The following NRXN3 variants were observed in gnomAD, a reference collection of about 807,000 sequenced individuals.
The protein encoded by NRXN3 is neurexin III.
NRXN3 carries 32 observed loss-of-function variants against 137.6 expected under a neutral mutation model. The observed-to-expected ratio is 0.23, with a 90% CI of 0.18 to 0.31. The LOEUF (loss-of-function observed/expected upper bound fraction) is 0.31, where lower values mean the gene tolerates loss of function less well. Among genes scored for constraint, NRXN3 ranks in the 10% least tolerant of loss-of-function variants. The pLI is 1.00. For missense variants in NRXN3, 1,574 were observed against 2,062.5 expected (o/e 0.76, Z 4.59); for synonymous variants, 798 against 784.5 (o/e 1.02, Z -0.29).
rs529930823 is a variant in NRXN3, at chr14:79,704,810, A to G, written c.4014+6873A>G. Among the ~76,000 whole-genome samples the G allele has an allele frequency of 3.3e-5, 5 of 152,256 alleles. No individual in the cohort carries two copies. In the South Asian group the frequency reaches 6.2e-4, roughly 19 times the overall value. On this transcript the variant is annotated intron_variant, in intron 19 of 20. Transcript: ENST00000335750. The stretch of plus-strand genomic sequence containing the variant: ...CACTCTAATTTACTTGTTGCCTGGT[A>G]AGATTCTCTGGTGACATTTACTCTC...
intron 14 of NRXN3, among the ~76,000 whole-genome samples, chr14:78,977,825 G>A (rs531830982): frequency 6.6e-6 from 1 of 152,280 alleles, no homozygotes; most frequent in African/African-American, 2.4e-5. Context: ...TTTACATGAG[G>A]CAACATGTTA....
At chr14:79,641,676 A>C (rs906572532) in intron 16 of NRXN3, among the ~76,000 whole-genome samples, 3 of 134,918 alleles carry the variant, frequency 2.2e-5, no homozygotes, top group African/African-American at 7.4e-5. Context: ...GTGTCTATCC[A>C]GGGCTTAGTC....
chr14:79,299,696 A>G (rs2084810864), intron 15 of NRXN3, among the ~76,000 whole-genome samples: 1 of 152,082 alleles, frequency 6.6e-6, no homozygotes, highest in African/African-American at 2.4e-5. Flanking sequence ...GCTAACCTGT[A>G]TCATGATTAT....
intron 4 of NRXN3, among the ~76,000 whole-genome samples, chr14:78,342,269 C>A (rs2082227726): frequency 6.6e-6 from 1 of 152,136 alleles, no homozygotes; most frequent in South Asian, 2.1e-4. Flanking sequence ...AAAGGAATAT[C>A]CATTTTATTT....
At chr14:79,553,386 T>C (rs2097395345) in intron 16 of NRXN3, among the ~76,000 whole-genome samples, 1 of 152,102 alleles carries the variant, frequency 6.6e-6, no homozygotes, top group Non-Finnish European at 1.5e-5. Context: ...AATAATTTAA[T>C]TCGCCCAAAG....
chr14:79,314,125 G>A (rs1482570786), intron 15 of NRXN3: 1 of 152,424 alleles, frequency 6.6e-6, no homozygotes, highest in African/African-American at 2.4e-5. Context: ...GCAGAAGACG[G>A]GTGATTTCTG....
In NRXN3 at chr14:79,862,459, AG is replaced by A. The variant is rs2099415147; in HGVS notation, c.*496del. The A allele has an allele frequency of 6.6e-6, 1 of 152,452 alleles. No homozygotes were observed. The highest frequency in any genetic ancestry group is 6.6e-5 in the Admixed American group (1 of 15,214). 9.4% of individuals were successfully genotyped at this position (152,452 alleles called of 1,614,324 possible). A position where few individuals can be genotyped will look rare whatever the true frequency, so the allele number is the denominator to read the frequency against. The stretch of plus-strand genomic sequence containing the variant: ...AACAAAAAAAGAAAAAAGTTAAAAA[AG>A]AAAAAAACACCAAAAAACAAAAACA... On this transcript the variant is annotated 3_prime_UTR_variant, in exon 21 of 21. Transcript: ENST00000335750.
chr14:78,863,727 G>A (rs2152538516), intron 10 of NRXN3, among the ~76,000 whole-genome samples: 1 of 152,092 alleles, frequency 6.6e-6, no homozygotes, highest in Admixed American at 6.6e-5. Context: ...CTAAAAAGGA[G>A]CCTTTAATTC....
intron 19 of NRXN3, among the ~76,000 whole-genome samples, chr14:79,700,029 C>T (rs2098749163): frequency 6.6e-6 from 1 of 151,940 alleles, no homozygotes; most frequent in African/African-American, 2.4e-5. Flanking sequence ...TTGTTCTTGA[C>T]CACTAGTCAT....
rs549545522 is a variant in NRXN3, at chr14:78,292,851, A to C, written c.728-4980A>C. On this transcript the variant is annotated intron_variant, in intron 3 of 20. Coordinates refer to ENST00000335750, the MANE Select transcript of NRXN3 (RefSeq NM_001330195.2). ...AACCCAGAATAAATGCCAAACTCCA[A>C]AACCAGCCAGGGTGCTTGTCCTAGG... Among the ~76,000 whole-genome samples the C allele has an allele frequency of 2.6e-5, 4 of 152,150 alleles. No homozygotes were observed. In the East Asian group the frequency reaches 7.7e-4, roughly 29 times the overall value.
At chr14:78,227,380 G>A (rs1265403172) in intron 1 of NRXN3, among the ~76,000 whole-genome samples, 1 of 152,140 alleles carries the variant, frequency 6.6e-6, no homozygotes. Flanking sequence ...TCATATGGAG[G>A]TTAGATGAGA....
intron 20 of NRXN3, among the ~76,000 whole-genome samples, chr14:79,856,567 C>G (rs1373555898): frequency 6.6e-6 from 1 of 151,300 alleles, no homozygotes; most frequent in African/African-American, 2.4e-5. Context: ...TCTCAAAACC[C>G]AAATATCTCC....
chr14:79,787,473 T>C (rs1437392912), intron 19 of NRXN3, among the ~76,000 whole-genome samples: 1 of 152,236 alleles, frequency 6.6e-6, no homozygotes, highest in Non-Finnish European at 1.5e-5. Context: ...CTAGTCACCA[T>C]GCTGTGTAAT....
intron 4 of NRXN3, among the ~76,000 whole-genome samples, chr14:78,352,472 A>G (rs2083671187): frequency 6.6e-6 from 1 of 152,060 alleles, no homozygotes; most frequent in African/African-American, 2.4e-5. Flanking sequence ...ACCTTCTCCT[A>G]GTAACTCTAG....
intron 4 of NRXN3, among the ~76,000 whole-genome samples, chr14:78,511,351 C>T (rs8005766): frequency 0.036 from 5,464 of 152,196 alleles, 287 homozygotes; most frequent in African/African-American, 0.12. Flanking sequence ...AGATTAATCA[C>T]AGATATCTGC....
chr14:78,858,540 T>C (rs1289955292), intron 10 of NRXN3, among the ~76,000 whole-genome samples: 2 of 152,140 alleles, frequency 1.3e-5, no homozygotes, highest in Non-Finnish European at 2.9e-5. Context: ...AGTTATAATG[T>C]TGAGACCAAA....
At chr14:78,511,785 A>G (rs1324978855) in intron 4 of NRXN3, among the ~76,000 whole-genome samples, 1 of 152,100 alleles carries the variant, frequency 6.6e-6, no homozygotes, top group African/African-American at 2.4e-5. Flanking sequence ...AGGTCTAGGA[A>G]TTGACTCATT....
chr14:79,297,333 T>C lies in NRXN3; in HGVS notation c.3263-169888T>C, dbSNP rs1381636222. Among the ~76,000 whole-genome samples the C allele has an allele frequency of 2.0e-5, 3 of 152,164 alleles. No homozygotes were observed. The East Asian group carries it at 5.8e-4, about 29-fold the overall frequency. On this transcript the variant is annotated intron_variant, in intron 15 of 20. Coordinates refer to ENST00000335750, the MANE Select transcript of NRXN3 (RefSeq NM_001330195.2). ...TGCAAGACAGCCAATTAAATTTGTATTCAGATAAATAACTGACTTTTTAAA... is the reference window on the plus strand; with the variant it reads ...TGCAAGACAGCCAATTAAATTTGTACTCAGATAAATAACTGACTTTTTAAA...
intron 2 of NRXN3, among the ~76,000 whole-genome samples, chr14:78,256,192 T>C (rs917380645): frequency 6.6e-6 from 1 of 152,180 alleles, no homozygotes; most frequent in African/African-American, 2.4e-5. Context: ...GGCACGTTGT[T>C]GTCACTGGAG....
Sources: gnomAD v4.1 joint callset for allele counts (sites outside exome capture counted in the v4.1 genomes callset) on GRCh38, gnomAD v4.1.1 for gene constraint, MANE v1.5 for transcripts, NCBI Gene and HGNC (gene_info 2026-07-23, HGNC 2026-07-21) for gene names.